NRXN3: variants seen among roughly 807,000 people sequenced by gnomAD.
The protein encoded by NRXN3 is neurexin 3, also known as neurexin III.
Under a neutral mutation model 137.6 loss-of-function variants are expected in NRXN3, and 32 were observed. The observed-to-expected ratio is 0.23, with a 90% CI of 0.18 to 0.31. NRXN3 has a LOEUF of 0.31. Ranked by LOEUF, NRXN3 falls within the 10% of genes least tolerant of loss-of-function variation. NRXN3 has a pLI of 1.00. For missense variants in NRXN3, 1,574 were observed against 2,062.5 expected, an observed-to-expected ratio of 0.76 and a Z score of 4.59; for synonymous variants, 798 against 784.5, an observed-to-expected ratio of 1.02 and a Z score of -0.29.
intron 10 of NRXN3, among the ~76,000 whole-genome samples, chr14:78,900,588 A>G (rs1167856343): frequency 2.6e-5 from 4 of 151,998 alleles, no homozygotes; most frequent in Admixed American, 6.6e-5. Context: ...GCAGACAAAT[A>G]TATGTAATGT....
intron 6 of NRXN3, among the ~76,000 whole-genome samples, chr14:78,680,438 C>T (rs1202050856): frequency 1.3e-5 from 2 of 152,024 alleles, no homozygotes; most frequent in East Asian, 3.9e-4. Flanking sequence ...TATTGTAAAC[C>T]TTAAAAAATA....
At chr14:78,837,492 G>A (rs1450223640) in intron 10 of NRXN3, among the ~76,000 whole-genome samples, 1 of 149,426 alleles carries the variant, frequency 6.7e-6, no homozygotes, top group Non-Finnish European at 1.5e-5. Context: ...ATTTTTGTGG[G>A]TTTTTTTTTT....
chr14:79,351,609 C>T (rs1188237211), intron 15 of NRXN3, among the ~76,000 whole-genome samples: 1 of 152,180 alleles, frequency 6.6e-6, no homozygotes, highest in African/African-American at 2.4e-5. Context: ...ACCTACCTCA[C>T]AGTGTTAATA....
rs2099415391 is a variant in NRXN3, at chr14:79,862,618, A to C, written c.*654A>C. 6.6e-6 allele frequency: 1 copy of C among 152,544 alleles called. No homozygotes were observed. The highest frequency in any genetic ancestry group is 2.4e-5 in the African/African-American group (1 of 41,388). The allele number at this position is 152,544 out of a possible 1,614,324, so 9.4% of individuals were successfully genotyped here. Reference sequence around the variant, plus strand: ...ATGACTGGACATCAGAAGAGGAAAAAAACTCAAAACAAAAGCGAGAGAGAC... The same window carrying C: ...ATGACTGGACATCAGAAGAGGAAAACAACTCAAAACAAAAGCGAGAGAGAC... On this transcript the variant is annotated 3_prime_UTR_variant, in exon 21 of 21. Transcript: ENST00000335750.
At chr14:79,006,762 T>C (rs1409161981) in intron 15 of NRXN3, among the ~76,000 whole-genome samples, 4 of 152,132 alleles carry the variant, frequency 2.6e-5, no homozygotes, top group African/African-American at 9.7e-5. Flanking sequence ...GAATGAACTG[T>C]TATGGTCTCC....
chr14:79,809,177 A>G (rs1319190188), intron 20 of NRXN3, among the ~76,000 whole-genome samples: 1 of 152,262 alleles, frequency 6.6e-6, no homozygotes, highest in Non-Finnish European at 1.5e-5. Context: ...GCTAAAATTA[A>G]ACCTATTGAC....
At chr14:79,834,536 T>C (rs990893044) in intron 20 of NRXN3, among the ~76,000 whole-genome samples, 1 of 152,184 alleles carries the variant, frequency 6.6e-6, no homozygotes, top group African/African-American at 2.4e-5. Context: ...TTGAAAATAT[T>C]ATTTATCTAT....
intron 1 of NRXN3, among the ~76,000 whole-genome samples, chr14:78,235,778 C>T (rs899844160): frequency 2.0e-5 from 3 of 152,082 alleles, no homozygotes; most frequent in Non-Finnish European, 2.9e-5. Context: ...AAGGGTAAGG[C>T]TTGGTGACTA....
intron 15 of NRXN3, among the ~76,000 whole-genome samples, chr14:79,090,595 C>T (rs1172335589): frequency 6.6e-6 from 1 of 152,066 alleles, no homozygotes; most frequent in Non-Finnish European, 1.5e-5. Flanking sequence ...GTGCTTCTGT[C>T]ACCATGGCTT....
At chr14:78,810,018 T>G (rs2098901160) in intron 9 of NRXN3, among the ~76,000 whole-genome samples, 1 of 49,328 alleles carries the variant, frequency 2.0e-5, no homozygotes, top group African/African-American at 3.9e-5. Context: ...AGAATAGCTT[T>G]TTTTGAAAAA....
chr14:78,232,188 G>A (rs1427460691), intron 1 of NRXN3, among the ~76,000 whole-genome samples: 1 of 152,382 alleles, frequency 6.6e-6, no homozygotes, highest in South Asian at 2.1e-4. Flanking sequence ...GAAGCTGGGG[G>A]CTGTCTGGTC....
At position 79,599,885 on chromosome 14, in the gene NRXN3, T is replaced by G. The variant is rs576882926; in HGVS notation, c.3445-63893T>G. 2.6e-5 allele frequency among the ~76,000 whole-genome samples: 4 copies of G among 152,184 alleles called. No homozygotes were observed. In the East Asian group the frequency reaches 7.7e-4, roughly 29 times the overall value. On this transcript the variant is annotated intron_variant, in intron 16 of 20. Coordinates refer to ENST00000335750, the MANE Select transcript of NRXN3 (RefSeq NM_001330195.2). ...TGGTACACGCCTGTAATCCCAGCTG[T>G]CCAGAAGGCTGAGGCAGGGGAATCT...
chr14:78,645,301 T>G lies in NRXN3; in HGVS notation c.939T>G (p.Gly313=). The part of the protein sequence containing the change: ...ADYVNLALKD[G]AVSLVINLGS... The stretch of plus-strand genomic sequence containing the variant: ...ATGTCAACCTGGCTCTGAAGGATGG[T>G]GCGGTCTCCTTGGTCATTAACCTGG... Residue 313 remains glycine, a synonymous_variant, in exon 5 of 21, where the codon GGT becomes GGG. Transcript: ENST00000335750. 1 of 1,598,836 alleles carries G rather than the reference T, an allele frequency of 6.3e-7. No homozygotes were observed. The highest frequency in any genetic ancestry group is 8.5e-7 in the Non-Finnish European group (1 of 1,179,762).
At chr14:78,917,230 C>T (rs2099257715) in intron 10 of NRXN3, among the ~76,000 whole-genome samples, 1 of 152,108 alleles carries the variant, frequency 6.6e-6, no homozygotes, top group Non-Finnish European at 1.5e-5. Flanking sequence ...ATACTGTTTC[C>T]AGGTATAGTA....
At chr14:79,713,388 C>G (rs2098812110) in intron 19 of NRXN3, among the ~76,000 whole-genome samples, 1 of 148,586 alleles carries the variant, frequency 6.7e-6, no homozygotes, top group Non-Finnish European at 1.5e-5. Context: ...ATAACACACA[C>G]ACATACACAC....
intron 6 of NRXN3, among the ~76,000 whole-genome samples, chr14:78,686,812 A>G (rs771408350): frequency 3.3e-5 from 5 of 152,198 alleles, no homozygotes; most frequent in Non-Finnish European, 5.9e-5. Context: ...GAAGGTTTGC[A>G]TAATTCCCTG....
At chr14:79,764,688 C>A (rs1181278450) in intron 19 of NRXN3, among the ~76,000 whole-genome samples, 1 of 152,070 alleles carries the variant, frequency 6.6e-6, no homozygotes, top group African/African-American at 2.4e-5. Flanking sequence ...TATACACTTC[C>A]ATGTTACTGT....
At chr14:78,948,048 A>C (rs2099371077) in intron 10 of NRXN3, among the ~76,000 whole-genome samples, 1 of 152,188 alleles carries the variant, frequency 6.6e-6, no homozygotes, top group Non-Finnish European at 1.5e-5. Flanking sequence ...ATTGAGTGCT[A>C]TGTAGGTTTT....
rs1295439994 is a variant in NRXN3 at position 79,207,710 on chromosome 14, A to G, written c.3262+219569A>G. Among the ~76,000 whole-genome samples the G allele has an allele frequency of 2.0e-5, 3 of 152,164 alleles. No individual in the cohort carries two copies. The East Asian group carries it at 5.8e-4, about 29-fold the overall frequency. The stretch of plus-strand genomic sequence containing the variant: ...CCTACCACTAAAGATCCTGCTTTGA[A>G]TGAACCAAGGTCCCAGGGGATTGTT... On this transcript the variant is annotated intron_variant, in intron 15 of 20. Transcript: ENST00000335750.
Sources: gnomAD v4.1 joint callset for allele counts (sites outside exome capture counted in the v4.1 genomes callset) on GRCh38, gnomAD v4.1.1 for gene constraint, MANE v1.5 for transcripts, NCBI Gene and HGNC (gene_info 2026-07-23, HGNC 2026-07-21) for gene names.